Variants in CNTNAP4 observed in about 807,000 individuals in gnomAD.
CNTNAP4 encodes the protein contactin associated protein family member 4.
In CNTNAP4, 98 loss-of-function variants were observed where a neutral mutation model predicts 148.4. That is an observed-to-expected ratio of 0.66 (90% CI 0.56 to 0.78). CNTNAP4 has a LOEUF of 0.78. Ranked by LOEUF, CNTNAP4 falls within the 30% of genes least tolerant of loss-of-function variation. The pLI, the probability that CNTNAP4 is intolerant of heterozygous loss-of-function variation, is 0.00. For missense variants in CNTNAP4, 1,935 were observed against 1,565.6 expected (o/e 1.24, Z -3.98); for synonymous variants, 730 against 565.1 (o/e 1.29, Z -4.14).
At chr16:76,339,625 C>A (rs1045658590) in intron 2 of CNTNAP4, among the ~76,000 whole-genome samples, 1 of 152,170 alleles carries the variant, frequency 6.6e-6, no homozygotes, top group Non-Finnish European at 1.5e-5. Flanking sequence ...AAAGGTCTGT[C>A]ATTTTACTTT....
In CNTNAP4 at chr16:76,318,231, T is replaced by G. The variant is rs74024998; in HGVS notation, c.196+1708T>G. On this transcript the variant is annotated intron_variant, in intron 2 of 23. Coordinates refer to ENST00000611870, the MANE Select transcript of CNTNAP4 (RefSeq NM_033401.5). ...ATTTACCACCACTTCATTTGAGTCA[T>G]AAAAGCTTTCACAGAATGTGGGCCA... 3.8e-3 allele frequency among the ~76,000 whole-genome samples: 581 copies of G among 152,314 alleles called. 5 individuals carry two copies. The highest frequency in any genetic ancestry group is 0.013 in the African/African-American group (549 of 41,562).
At chr16:76,412,384 A>G (rs550275877) in intron 3 of CNTNAP4, among the ~76,000 whole-genome samples, 28 of 151,534 alleles carry the variant, frequency 1.8e-4, no homozygotes, top group Admixed American at 3.3e-4. Flanking sequence ...TGGAATTGCC[A>G]ACTCATAAAA....
At chr16:76,425,541 T>C (rs8048048) in intron 3 of CNTNAP4, among the ~76,000 whole-genome samples, 147,423 of 152,226 alleles carry the variant, frequency 0.97, 71,564 homozygotes, top group East Asian at 1. Context: ...ATAAGAGAAA[T>C]CCCTCTTAAA....
chr16:76,283,385 A>C (rs1958763535), intron 1 of CNTNAP4, among the ~76,000 whole-genome samples: 1 of 152,014 alleles, frequency 6.6e-6, no homozygotes, highest in Admixed American at 6.6e-5. Flanking sequence ...CACTCTTTAC[A>C]ATAGCAAAGA....
At chr16:76,468,498 A>T (rs1192662146) in intron 10 of CNTNAP4, among the ~76,000 whole-genome samples, 1 of 149,774 alleles carries the variant, frequency 6.7e-6, no homozygotes, top group African/African-American at 2.4e-5. Flanking sequence ...AATAAATAAT[A>T]TTTTTTTGAG....
At chr16:76,517,966 G>T (rs1399179596) in intron 15 of CNTNAP4, among the ~76,000 whole-genome samples, 2 of 152,012 alleles carry the variant, frequency 1.3e-5, no homozygotes, top group African/African-American at 2.4e-5. Context: ...ATAGTACTAA[G>T]TTAATTTTCC....
At chr16:76,425,207 A>T (rs1441146732) in intron 3 of CNTNAP4, among the ~76,000 whole-genome samples, 2 of 152,188 alleles carry the variant, frequency 1.3e-5, no homozygotes, top group Non-Finnish European at 2.9e-5. Flanking sequence ...CAGCAACAAT[A>T]GCAAAAACAG....
intron 2 of CNTNAP4, among the ~76,000 whole-genome samples, chr16:76,317,770 A>G (rs1256103450): frequency 1.3e-5 from 2 of 152,084 alleles, no homozygotes; most frequent in African/African-American, 2.4e-5. Context: ...AATATATATC[A>G]CACATAGTTC....
intron 3 of CNTNAP4, among the ~76,000 whole-genome samples, chr16:76,372,438 G>T (rs1029951750): frequency 1.3e-5 from 2 of 151,794 alleles, no homozygotes; most frequent in Admixed American, 1.3e-4. Context: ...GTGGGCCACC[G>T]TGCCCTGCTG....
At position 76,508,063 on chromosome 16, in the gene CNTNAP4, C is replaced by T. The variant is rs138513925; in HGVS notation, c.2365+9369C>T. 5.3e-3 allele frequency among the ~76,000 whole-genome samples: 515 copies of T among 97,862 alleles called. 70 individuals carry two copies. Among genetic ancestry groups the T allele is most frequent in the African/African-American group, 0.013 (494 of 39,014 alleles). The allele number at this position is 97,862 out of a possible 152,430, so 64.2% of individuals were successfully genotyped here. A position where few individuals can be genotyped will look rare whatever the true frequency, so the allele number is the denominator to read the frequency against. On this transcript the variant is annotated intron_variant, in intron 15 of 23. Transcript: ENST00000611870. ...ATACTGGCTTTTAATTATTTTTGAG[C>T]CCCTCAAGAGCAGGGTACATTCCTC...
chr16:76,475,968 G>T lies in CNTNAP4; in HGVS notation c.1685G>T (p.Gly562Val). The change falls in exon 11 of 24, where the codon GGG becomes GTG. Residue 562 changes from glycine (G) to valine (V), a missense_variant. Transcript: ENST00000611870. ...RCLPNYCEHG[G>V]ECSQSWSTFH... ...TTGCCCAACTATTGTGAACACGGTG[G>T]GGAGTGTTCCCAGTCCTGGAGCACC... The T allele has an allele frequency of 6.2e-7, 1 of 1,613,726 alleles. No individual in the cohort carries two copies. Among genetic ancestry groups the T allele is most frequent in the Non-Finnish European group, 8.5e-7 (1 of 1,179,692 alleles).
intron 1 of CNTNAP4, among the ~76,000 whole-genome samples, chr16:76,307,351 T>G (rs1173575732): frequency 6.6e-6 from 1 of 151,722 alleles, no homozygotes; most frequent in Non-Finnish European, 1.5e-5. Flanking sequence ...ACTTAGTAAA[T>G]CAGCAAACCT....
chr16:76,412,725 TA>T (rs2078841868), intron 3 of CNTNAP4, among the ~76,000 whole-genome samples: 1 of 151,582 alleles, frequency 6.6e-6, no homozygotes, highest in Non-Finnish European at 1.5e-5. Context: ...TTCTGGATAC[TA>T]ATATACTGAA....
At chr16:76,330,691 T>G (rs1054805439) in intron 2 of CNTNAP4, among the ~76,000 whole-genome samples, 1 of 152,254 alleles carries the variant, frequency 6.6e-6, no homozygotes. Context: ...TTGTGTGCTA[T>G]TTCTTATACT....
intron 2 of CNTNAP4, among the ~76,000 whole-genome samples, chr16:76,319,394 A>T (rs1567688362): frequency 6.6e-6 from 1 of 152,016 alleles, no homozygotes; most frequent in Non-Finnish European, 1.5e-5. Flanking sequence ...CTCAAAAGAG[A>T]GAGAGGGAGG....
intron 2 of CNTNAP4, among the ~76,000 whole-genome samples, chr16:76,319,739 C>A (rs1962210403): frequency 6.6e-6 from 1 of 152,006 alleles, no homozygotes; most frequent in South Asian, 2.1e-4. Context: ...AGCTGCAAAC[C>A]AAGAAATGCG....
chr16:76,357,635 A>C (rs1173973104), intron 3 of CNTNAP4, among the ~76,000 whole-genome samples: 1 of 152,146 alleles, frequency 6.6e-6, no homozygotes, highest in African/African-American at 2.4e-5. Flanking sequence ...AATATCCCCA[A>C]AGTGTAAGAG....
At chr16:76,450,448 C>A (rs960938434) in intron 7 of CNTNAP4, among the ~76,000 whole-genome samples, 1 of 152,200 alleles carries the variant, frequency 6.6e-6, no homozygotes, top group Non-Finnish European at 1.5e-5. Flanking sequence ...CTATGCCCAG[C>A]CTGCTCTGTG....
At chr16:76,443,860 C>T (rs2080137567) in intron 4 of CNTNAP4, among the ~76,000 whole-genome samples, 2 of 152,000 alleles carry the variant, frequency 1.3e-5, no homozygotes, top group Admixed American at 6.6e-5. Context: ...ATCTGAGAAT[C>T]TTTGTGGAAT....
Sources: allele counts gnomAD v4.1 joint callset (sites outside exome capture counted in the v4.1 genomes callset), GRCh38; gene constraint gnomAD v4.1.1; transcripts MANE v1.5; gene names NCBI Gene and HGNC (gene_info 2026-07-23, HGNC 2026-07-21).